BTBD10: variants seen among roughly 807,000 people sequenced by gnomAD.
The protein encoded by BTBD10 is BTB/POZ domain-containing protein 10.
BTBD10 carries 21 observed loss-of-function variants against 53.2 expected under a neutral mutation model. The observed-to-expected ratio is 0.39, with a 90% confidence interval of 0.28 to 0.57. The LOEUF is 0.57. Among genes scored for constraint, BTBD10 ranks in the 20% least tolerant of loss-of-function variants. The probability of loss-of-function intolerance (pLI) is 0.53; values close to 1 mark genes in which losing one functional copy is unlikely to be tolerated. For synonymous variants in BTBD10, 149 were observed against 192.7 expected (o/e 0.77, Z 1.88); for missense variants, 360 against 594.7 (o/e 0.61, Z 4.10).
At chr11:13,405,427 G>T in intron 7 of BTBD10, 1 of 513,732 alleles carries the variant, frequency 1.9e-6, no homozygotes, top group Non-Finnish European at 3.5e-6. Context: ...TCTGTACAGG[G>T]ACATATAATA....
chr11:13,448,007 T>C (rs181776218), intron 1 of BTBD10, among the ~76,000 whole-genome samples: 65 of 152,328 alleles, frequency 4.3e-4, no homozygotes, highest in Non-Finnish European at 7.5e-4. Flanking sequence ...GCACATATTA[T>C]ATACTATTTT....
chr11:13,396,072 G>A (rs2135742342), intron 8 of BTBD10, among the ~76,000 whole-genome samples: 1 of 152,210 alleles, frequency 6.6e-6, no homozygotes, highest in South Asian at 2.1e-4. Flanking sequence ...CCAATTCTGT[G>A]AAGAAAGTCA....
At chr11:13,442,902 T>A (rs1354238304) in intron 2 of BTBD10, among the ~76,000 whole-genome samples, 2 of 152,180 alleles carry the variant, frequency 1.3e-5, no homozygotes, top group African/African-American at 4.8e-5. Flanking sequence ...CCTAAGCATA[T>A]GGGACAGGAG....
chr11:13,407,153 T>A (rs1373832006), intron 6 of BTBD10, among the ~76,000 whole-genome samples: 1 of 152,166 alleles, frequency 6.6e-6, no homozygotes, highest in Non-Finnish European at 1.5e-5. Flanking sequence ...ATTATCCCTG[T>A]TTTTTTCCTC....
intron 2 of BTBD10, among the ~76,000 whole-genome samples, chr11:13,434,001 G>A (rs1950502276): frequency 6.6e-6 from 1 of 152,112 alleles, no homozygotes; most frequent in South Asian, 2.1e-4. Context: ...GTTCTCAACT[G>A]AAGAATTAGT....
At chr11:13,429,067 A>C (rs764372906) in intron 2 of BTBD10, among the ~76,000 whole-genome samples, 28 of 152,148 alleles carry the variant, frequency 1.8e-4, no homozygotes, top group Non-Finnish European at 3.8e-4. Flanking sequence ...AGATGTGAAA[A>C]ACTCACACAT....
intron 8 of BTBD10, among the ~76,000 whole-genome samples, chr11:13,399,347 G>A (rs1489874138): frequency 1.3e-5 from 2 of 152,268 alleles, no homozygotes; most frequent in Non-Finnish European, 2.9e-5. Context: ...ATCGGCTACT[G>A]AGGCTTGTGC....
chr11:13,405,480 A>C (rs1949803992), intron 7 of BTBD10, 179 bp downstream of exon 7: 1 of 624,394 alleles, frequency 1.6e-6, no homozygotes, highest in African/African-American at 1.8e-5. Flanking sequence ...TGTTACAACT[A>C]CTCAACTCTG....
intron 2 of BTBD10, among the ~76,000 whole-genome samples, chr11:13,442,341 T>G (rs1257978582): frequency 6.6e-6 from 1 of 152,172 alleles, no homozygotes; most frequent in Non-Finnish European, 1.5e-5. Flanking sequence ...CTATTTTGCA[T>G]GTATTTAAAA....
chr11:13,458,296 G>A (rs200481919), intron 1 of BTBD10, among the ~76,000 whole-genome samples: 2 of 110,002 alleles, frequency 1.8e-5, no homozygotes, highest in African/African-American at 5.6e-5. Flanking sequence ...CTGTATATAT[G>A]TATATTTATA....
At chr11:13,395,370 G>A (rs1342508468) in intron 8 of BTBD10, among the ~76,000 whole-genome samples, 2 of 152,034 alleles carry the variant, frequency 1.3e-5, no homozygotes, top group Non-Finnish European at 2.9e-5. Flanking sequence ...CATATCCTTT[G>A]CCCACTTTTT....
At chr11:13,462,132 T>C (rs1387921453) in intron 1 of BTBD10, among the ~76,000 whole-genome samples, 1 of 152,090 alleles carries the variant, frequency 6.6e-6, no homozygotes, top group Admixed American at 6.5e-5. Context: ...TATTCCGATT[T>C]CCACAGTCTC....
intron 1 of BTBD10, among the ~76,000 whole-genome samples, chr11:13,458,689 T>C (rs1951024838): frequency 6.6e-6 from 1 of 152,226 alleles, no homozygotes; most frequent in African/African-American, 2.4e-5. Flanking sequence ...TCTCTAATAA[T>C]TATTCTCTTT....
At position 13,409,136 on chromosome 11, in the gene BTBD10, C is replaced by G. The variant is rs1949889213; in HGVS notation, c.809-3280G>C. 2.0e-5 allele frequency among the ~76,000 whole-genome samples: 3 copies of G among 152,174 alleles called. No individual in the cohort carries two copies. In the South Asian group the frequency reaches 6.2e-4, roughly 31 times the overall value. Reference sequence around the variant, plus strand: ...GACCACATTTCCCATTACTGACACTCTCACTCACTCCACTCCAACTATCCT... The same window carrying G: ...GACCACATTTCCCATTACTGACACTGTCACTCACTCCACTCCAACTATCCT... On this transcript the variant is annotated intron_variant, in intron 6 of 8. Coordinates refer to ENST00000278174, the MANE Select transcript of BTBD10 (RefSeq NM_032320.7).
At chr11:13,391,074 G>A (rs569101400) in intron 8 of BTBD10, among the ~76,000 whole-genome samples, 7 of 152,256 alleles carry the variant, frequency 4.6e-5, no homozygotes, top group African/African-American at 1.4e-4. Flanking sequence ...CCAGACAAAT[G>A]TAATCATATT....
chr11:13,410,716 G>T (rs983442588), intron 6 of BTBD10, among the ~76,000 whole-genome samples: 1 of 152,220 alleles, frequency 6.6e-6, no homozygotes, highest in Non-Finnish European at 1.5e-5. Flanking sequence ...AGGGCTCTAT[G>T]AGGTGGCTAA....
chr11:13,454,601 C>T (rs1407605924), intron 1 of BTBD10, among the ~76,000 whole-genome samples: 1 of 152,058 alleles, frequency 6.6e-6, no homozygotes. Flanking sequence ...CCTATAATCC[C>T]ACCTACTTGG....
rs947814104 is a variant in BTBD10 at position 13,434,398 on chromosome 11, T to C, written c.101+10626A>G. Among the ~76,000 whole-genome samples the C allele has an allele frequency of 4.6e-5, 7 of 152,042 alleles. No homozygotes were observed. In the South Asian group the frequency reaches 6.2e-4, roughly 14 times the overall value. On this transcript the variant is annotated intron_variant, in intron 2 of 8. Transcript: ENST00000278174. The stretch of plus-strand genomic sequence containing the variant: ...AACAAAGACCTAAAAACGTAAGAAA[T>C]AGAACTATGAAATATAGAAGGGAAT...
In BTBD10 at chr11:13,413,425, AT is replaced by A. The variant is rs1159827933; in HGVS notation, c.808+104del. 3 of 986,634 alleles carry A rather than the reference AT, an allele frequency of 3.0e-6. No homozygotes were observed. The African/African-American group carries it at 5.0e-5, about 16-fold the overall frequency. 61.1% of individuals were successfully genotyped at this position (986,634 alleles called of 1,614,324 possible). A position where few individuals can be genotyped will look rare whatever the true frequency, so the allele number is the denominator to read the frequency against. On this transcript the variant is annotated intron_variant, in intron 6 of 8. Transcript: ENST00000278174. The stretch of plus-strand genomic sequence containing the variant: ...TGGTACTAGAATGCTTTATAATTGA[AT>A]TAAATACTTTAAGTCTAACTAGGTA...
Sources: allele counts gnomAD v4.1 joint callset (sites outside exome capture counted in the v4.1 genomes callset), GRCh38; gene constraint gnomAD v4.1.1; transcripts MANE v1.5; gene names NCBI Gene and HGNC (gene_info 2026-07-23, HGNC 2026-07-21).